Variants in PHF14 observed in about 807,000 individuals in gnomAD.
The protein encoded by PHF14 is PHD finger protein 14.
Under a neutral mutation model 117.9 loss-of-function variants are expected in PHF14, and 55 were observed. The observed-to-expected ratio is 0.47, with a 90% CI of 0.38 to 0.58. The LOEUF is 0.58. PHF14 is among the 20% of genes least tolerant of loss of function. PHF14 has a pLI of 0.00. For synonymous variants in PHF14, 409 were observed against 368.6 expected, an observed-to-expected ratio of 1.11 and a Z score of -1.26; for missense variants, 978 against 1,122.2, an observed-to-expected ratio of 0.87 and a Z score of 1.84.
intron 17 of PHF14, among the ~76,000 whole-genome samples, chr7:11,122,350 T>TAC (rs1179471501): frequency 0.01 from 634 of 63,062 alleles, 18 homozygotes; most frequent in African/African-American, 0.037. Flanking sequence ...TATATATATA[T>TAC]ATACACACAC....
At chr7:11,018,410 G>A (rs1030055830) in intron 5 of PHF14, among the ~76,000 whole-genome samples, 6 of 151,886 alleles carry the variant, frequency 4.0e-5, no homozygotes, top group Non-Finnish European at 7.4e-5. Context: ...TTTTGGTGTC[G>A]TCTTCAATTT....
chr7:10,991,099 T>TCAAGCTGAG (rs1782432804), intron 4 of PHF14, among the ~76,000 whole-genome samples: 1 of 152,182 alleles, frequency 6.6e-6, no homozygotes, highest in Admixed American at 6.5e-5. Flanking sequence ...CAAGCGATTC[T>TCAAGCTGAG]GCTGCCTCAG....
At chr7:11,036,053 A>C (rs1039049961) in intron 8 of PHF14, among the ~76,000 whole-genome samples, 1 of 152,172 alleles carries the variant, frequency 6.6e-6, no homozygotes, top group Non-Finnish European at 1.5e-5. Flanking sequence ...AGTGCAATAT[A>C]TTTATTACAT....
chr7:11,012,760 A>C (rs1263158879), intron 4 of PHF14, among the ~76,000 whole-genome samples: 1 of 152,212 alleles, frequency 6.6e-6, no homozygotes, highest in Non-Finnish European at 1.5e-5. Flanking sequence ...TAAGAGGAAA[A>C]AAGAGAATGA....
intron 5 of PHF14, among the ~76,000 whole-genome samples, chr7:11,020,493 C>G (rs1411595849): frequency 6.6e-6 from 1 of 152,108 alleles, no homozygotes; most frequent in Admixed American, 6.6e-5. Flanking sequence ...GTCCTCCTAC[C>G]TCAGCCTCCC....
chr7:11,025,334 A>G (rs867446403), intron 6 of PHF14, among the ~76,000 whole-genome samples: 2 of 152,250 alleles, frequency 1.3e-5, no homozygotes, highest in Admixed American at 6.5e-5. Context: ...TTAGGATATT[A>G]CATAAACTTG....
intron 16 of PHF14, chr7:11,106,061 A>G (rs1353159160): frequency 1.1e-5 from 11 of 983,790 alleles, no homozygotes; most frequent in Middle Eastern, 5.2e-4. Context: ...GGAAATGTCT[A>G]ATTCTTCTCT....
intron 16 of PHF14, among the ~76,000 whole-genome samples, chr7:11,100,360 T>C (rs1237260600): frequency 1.3e-5 from 2 of 152,014 alleles, no homozygotes; most frequent in Admixed American, 1.3e-4. Context: ...GACTATGTTT[T>C]CTGGTCTTTG....
intron 4 of PHF14, among the ~76,000 whole-genome samples, chr7:10,997,299 G>C (rs1282306823): frequency 6.6e-6 from 1 of 152,152 alleles, no homozygotes; most frequent in Non-Finnish European, 1.5e-5. Context: ...ACCTGAGAGA[G>C]TTCAAAGTGA....
intron 17 of PHF14, among the ~76,000 whole-genome samples, chr7:11,128,808 A>C (rs1404889418): frequency 2.7e-5 from 4 of 149,850 alleles, no homozygotes; most frequent in Non-Finnish European, 3.0e-5. Context: ...ACTCTTTTGC[A>C]AAAAGCCTCA....
intron 14 of PHF14, among the ~76,000 whole-genome samples, chr7:11,059,152 T>C (rs1055072753): frequency 6.6e-6 from 1 of 152,166 alleles, no homozygotes; most frequent in Non-Finnish European, 1.5e-5. Context: ...CATTATACCA[T>C]ATGATGCTAA....
intron 16 of PHF14, chr7:11,106,903 C>T (rs917074460): frequency 2.0e-4 from 198 of 981,310 alleles, no homozygotes; most frequent in Non-Finnish European, 2.4e-4. Context: ...ATAGGGGCTA[C>T]AAGTAAAATG....
chr7:10,994,168 A>G (rs189335287), intron 4 of PHF14, among the ~76,000 whole-genome samples: 1 of 150,876 alleles, frequency 6.6e-6, no homozygotes, highest in East Asian at 2.0e-4. Flanking sequence ...GCCAAGCACA[A>G]TGGCCCACGC....
chr7:11,168,556 G>A (rs1478443606), intron 17 of PHF14, among the ~76,000 whole-genome samples: 1 of 152,104 alleles, frequency 6.6e-6, no homozygotes, highest in African/African-American at 2.4e-5. Flanking sequence ...GATTATTACT[G>A]TTGTCTAGAA....
intron 5 of PHF14, among the ~76,000 whole-genome samples, chr7:11,017,768 C>G (rs185905738): frequency 1.6e-4 from 24 of 151,978 alleles, no homozygotes; most frequent in African/African-American, 5.3e-4. Context: ...TTAAAAAAAC[C>G]TGATATGATA....
At chr7:11,165,359 G>A (rs1429222270) in intron 17 of PHF14, among the ~76,000 whole-genome samples, 1 of 152,076 alleles carries the variant, frequency 6.6e-6, no homozygotes, top group East Asian at 1.9e-4. Flanking sequence ...TTAATACATC[G>A]TATCAGGGTG....
intron 17 of PHF14, among the ~76,000 whole-genome samples, chr7:11,117,593 T>A (rs1021144736): frequency 6.6e-6 from 1 of 151,286 alleles, no homozygotes; most frequent in African/African-American, 2.4e-5. Context: ...AAATATGTAT[T>A]TATATGTATA....
At chr7:11,102,474 T>C in intron 16 of PHF14, 1 of 1,609,238 alleles carries the variant, frequency 6.2e-7, no homozygotes, top group South Asian at 1.1e-5. Flanking sequence ...TTCTTATCAC[T>C]TTACTGTGTA....
chr7:11,070,420 C>T (rs561937862), intron 16 of PHF14, among the ~76,000 whole-genome samples: 6 of 152,336 alleles, frequency 3.9e-5, no homozygotes, highest in African/African-American at 1.4e-4. Flanking sequence ...ATCTCATTTG[C>T]CAGTTGCTTC....
Sources: gnomAD v4.1 joint callset for allele counts (sites outside exome capture counted in the v4.1 genomes callset) on GRCh38, gnomAD v4.1.1 for gene constraint, MANE v1.5 for transcripts, NCBI Gene and HGNC (gene_info 2026-07-23, HGNC 2026-07-21) for gene names.